PRKD3: variants seen among roughly 807,000 people sequenced by gnomAD.
The protein encoded by PRKD3 is serine/threonine-protein kinase D3.
PRKD3 carries 47 observed loss-of-function variants against 99.2 expected under a neutral mutation model. The ratio of observed to expected loss-of-function variants is 0.47; its 90% CI spans 0.38 to 0.60. The LOEUF (loss-of-function observed/expected upper bound fraction) is 0.60, where lower values mean the gene tolerates loss of function less well. Ranked by LOEUF, PRKD3 falls within the 20% of genes least tolerant of loss-of-function variation. The pLI, the probability that PRKD3 is intolerant of heterozygous loss-of-function variation, is 0.00. For synonymous variants in PRKD3, 392 were observed against 355.4 expected, an observed-to-expected ratio of 1.10 and a Z score of -1.16; for missense variants, 1,019 against 1,088.4, an observed-to-expected ratio of 0.94 and a Z score of 0.90.
At chr2:37,309,158 T>C (rs533833300) in intron 2 of PRKD3, among the ~76,000 whole-genome samples, 3 of 152,312 alleles carry the variant, frequency 2.0e-5, no homozygotes, top group Non-Finnish European at 4.4e-5. Flanking sequence ...CTTTAAAAAA[T>C]TTTTTAAAGA....
At chr2:37,291,422 T>C (rs540734557) in intron 3 of PRKD3, among the ~76,000 whole-genome samples, 55 of 152,356 alleles carry the variant, frequency 3.6e-4, no homozygotes, top group African/African-American at 8.7e-4. Flanking sequence ...TCCCAGGATA[T>C]ACTTGTCTGT....
intron 18 of PRKD3, 21 bp from the exon 19 acceptor site, chr2:37,253,371 A>G (rs1667666167): frequency 6.3e-7 from 1 of 1,580,838 alleles, no homozygotes; most frequent in East Asian, 2.3e-5. Context: ...ATGAAATTGT[A>G]ATGATGAAAC....
chr2:37,323,604 G>A (rs1425229425), intron 1 of PRKD3, among the ~76,000 whole-genome samples: 1 of 152,062 alleles, frequency 6.6e-6, no homozygotes, highest in Non-Finnish European at 1.5e-5. Context: ...CTTTATGGAC[G>A]CCTTCTGCAG....
intron 1 of PRKD3, among the ~76,000 whole-genome samples, chr2:37,319,993 C>A (rs1671812016): frequency 6.6e-6 from 1 of 152,206 alleles, no homozygotes; most frequent in Non-Finnish European, 1.5e-5. Flanking sequence ...TGTAACAACA[C>A]CTGGCTAACA....
chr2:37,291,029 GT>G (rs1670395059), intron 3 of PRKD3, 30 bp from the exon 4 acceptor site: 1 of 1,570,044 alleles, frequency 6.4e-7, no homozygotes, highest in Non-Finnish European at 8.7e-7. Flanking sequence ...TACAATACAC[GT>G]TGTATTTGTA....
intron 14 of PRKD3, among the ~76,000 whole-genome samples, chr2:37,260,915 A>G (rs1353091897): frequency 6.6e-6 from 1 of 152,214 alleles, no homozygotes; most frequent in Non-Finnish European, 1.5e-5. Context: ...CAACTAGGTT[A>G]CAAGGGTTGG....
At chr2:37,312,643 CAA>C (rs1037854917) in intron 2 of PRKD3, among the ~76,000 whole-genome samples, 6 of 152,126 alleles carry the variant, frequency 3.9e-5, no homozygotes, top group Non-Finnish European at 7.4e-5. Flanking sequence ...TTCTCAAGTG[CAA>C]AAAGTTTATG....
At chr2:37,312,590 T>C (rs1334397857) in intron 2 of PRKD3, among the ~76,000 whole-genome samples, 1 of 152,232 alleles carries the variant, frequency 6.6e-6, no homozygotes, top group Non-Finnish European at 1.5e-5. Context: ...GTGACTCTTC[T>C]GTTTAAAATG....
chr2:37,315,924 C>T (rs1671636026), intron 2 of PRKD3, among the ~76,000 whole-genome samples: 1 of 152,198 alleles, frequency 6.6e-6, no homozygotes. Flanking sequence ...GGCGTTTCAA[C>T]ATGTTGGCCA....
At chr2:37,318,181 A>G (rs1206479192) in intron 1 of PRKD3, among the ~76,000 whole-genome samples, 1 of 152,204 alleles carries the variant, frequency 6.6e-6, no homozygotes, top group Non-Finnish European at 1.5e-5. Context: ...GAAGGGCAAA[A>G]GCACACAACT....
chr2:37,298,422 T>TAA (rs1553376026), intron 2 of PRKD3, among the ~76,000 whole-genome samples: 2 of 151,416 alleles, frequency 1.3e-5, no homozygotes, highest in African/African-American at 4.9e-5. Context: ...TTTTTTTTTT[T>TAA]AAAAACAGAT....
chr2:37,294,882 C>G (rs924677317), intron 2 of PRKD3, among the ~76,000 whole-genome samples: 3 of 152,148 alleles, frequency 2.0e-5, no homozygotes, highest in Non-Finnish European at 2.9e-5. Context: ...TGAGACCAGC[C>G]TGGACAACAT....
intron 2 of PRKD3, among the ~76,000 whole-genome samples, chr2:37,304,036 T>C (rs995953950): frequency 2.0e-5 from 3 of 152,158 alleles, no homozygotes; most frequent in African/African-American, 7.2e-5. Context: ...TTTGTGACAC[T>C]GAATACCAAC....
chr2:37,265,821 GA>G (rs1668800066), intron 14 of PRKD3, among the ~76,000 whole-genome samples: 1 of 152,084 alleles, frequency 6.6e-6, no homozygotes, highest in Non-Finnish European at 1.5e-5. Context: ...ATATAATAAT[GA>G]AGTTTTTCAT....
intron 2 of PRKD3, among the ~76,000 whole-genome samples, chr2:37,304,211 A>AG (rs1288889896): frequency 6.6e-6 from 1 of 151,822 alleles, no homozygotes; most frequent in Non-Finnish European, 1.5e-5. Flanking sequence ...AAAAAAAAAA[A>AG]AAAAAGAAGT....
chr2:37,267,953 A>G, intron 13 of PRKD3: 1 of 191,318 alleles, frequency 5.2e-6, no homozygotes, highest in Non-Finnish European at 1.1e-5. Flanking sequence ...GGGTGTCTCT[A>G]TATTCTAGAA....
At chr2:37,306,504 C>T (rs528911982) in intron 2 of PRKD3, among the ~76,000 whole-genome samples, 48 of 152,244 alleles carry the variant, frequency 3.2e-4, no homozygotes, top group Admixed American at 1.8e-3. Flanking sequence ...ACAATAAAAA[C>T]TGTGCACTGT....
At chr2:37,263,967 T>A (rs1235704518) in intron 14 of PRKD3, among the ~76,000 whole-genome samples, 3 of 152,216 alleles carry the variant, frequency 2.0e-5, no homozygotes, top group Non-Finnish European at 4.4e-5. Flanking sequence ...CTCTAGGTTT[T>A]TGATAACGTT....
chr2:37,286,158 G>T lies in PRKD3; in HGVS notation c.910+19C>A. On this transcript the variant is annotated intron_variant, in intron 6 of 18. Transcript: ENST00000234179. ...AAAAACAGACATAAATTTTAATTAG[G>T]GAAAACACCTAATCCTACCTTTACA... The T allele has an allele frequency of 6.5e-7, 1 of 1,543,128 alleles. No homozygotes were observed. Among genetic ancestry groups the T allele is most frequent in the Non-Finnish European group, 8.8e-7 (1 of 1,137,700 alleles).
Sources: allele counts gnomAD v4.1 joint callset (sites outside exome capture counted in the v4.1 genomes callset), GRCh38; gene constraint gnomAD v4.1.1; transcripts MANE v1.5; gene names NCBI Gene and HGNC (gene_info 2026-07-23, HGNC 2026-07-21).